Variants in HILPDA observed in about 807,000 individuals in gnomAD.
HILPDA encodes the protein hypoxia inducible lipid droplet associated, also known as hypoxia-inducible lipid droplet-associated protein.
For missense variants in HILPDA, 72 were observed against 73.5 expected, an observed-to-expected ratio of 0.98 and a Z score of 0.08; for synonymous variants, 37 against 33.2, an observed-to-expected ratio of 1.12 and a Z score of -0.40.
rs929317888 is a variant in HILPDA, at chr7:128,456,017, C to T, written c.-75C>T. The T allele has an allele frequency of 1.8e-5, 8 of 456,136 alleles. No individual in the cohort carries two copies. The highest frequency in any genetic ancestry group is 3.5e-5 in the Non-Finnish European group (8 of 226,824). 28.3% of individuals were successfully genotyped at this position (456,136 alleles called of 1,614,324 possible). On this transcript the variant is annotated 5_prime_UTR_variant, in exon 1 of 2. Coordinates refer to ENST00000257696, the MANE Select transcript of HILPDA (RefSeq NM_013332.4). ...CCGGCGATCCACTCCCGGCTGTTCC[C>T]CCGGAGGTGAGCGGCCCTGTGGGCT...
chr7:128,457,372 C>T lies in HILPDA; in HGVS notation c.104C>T (p.Ser35Leu), dbSNP rs752323256. The T allele has an allele frequency of 2.0e-5, 33 of 1,613,974 alleles. No homozygotes were observed. The East Asian group carries it at 2.7e-4, about 13-fold the overall frequency. ...CTAGAGGGCTTACTAGAGAGCCCAT[C>T]GCCTGGGACCTCCTGGACCACCAGA... ...ESLEGLLESP[S>L]PGTSWTTRSQ... The change falls in exon 2 of 2, where the codon TCG (serine) becomes TTG (leucine). Residue 35 changes from serine to leucine, a missense_variant. Ser to Leu is a moderately radical substitution (Grantham distance 145). Transcript: ENST00000257696.
At chr7:128,456,206 A>T in intron 1 of HILPDA, 183 bp downstream of exon 1, 1 of 323,332 alleles carries the variant, frequency 3.1e-6, no homozygotes, top group Non-Finnish European at 6.1e-6. Flanking sequence ...CCTAACTAGG[A>T]TCCACGTGGC....
intron 1 of HILPDA, 193 bp downstream of exon 1, chr7:128,456,216 C>T (rs768494071): frequency 2.8e-5 from 9 of 321,390 alleles, no homozygotes; most frequent in Non-Finnish European, 4.9e-5. Context: ...ATCCACGTGG[C>T]CCATCCCACG....
chr7:128,457,526 C>T lies in HILPDA; in HGVS notation c.*66C>T. The T allele has an allele frequency of 1.4e-6, 2 of 1,408,336 alleles. No homozygotes were observed. The highest frequency in any genetic ancestry group is 2.3e-5 in the South Asian group (2 of 85,390). The allele number at this position is 1,408,336 out of a possible 1,614,324, so 87.2% of individuals were successfully genotyped here. A position where few individuals can be genotyped will look rare whatever the true frequency, so the allele number is the denominator to read the frequency against. ...CCTAGACATGTCCAGATGGGAGTCC[C>T]ATTCCTAGCAGACAAGCTGAGCACC... is the stretch of plus-strand genomic sequence containing the variant. On this transcript the variant is annotated 3_prime_UTR_variant, in exon 2 of 2. Transcript: ENST00000257696.
At chr7:128,456,672 GTTTGTTTTTGAGACGGAGT>G (rs1563019310) in intron 1 of HILPDA, 1 of 155,134 alleles carries the variant, frequency 6.4e-6, no homozygotes, top group African/African-American at 2.4e-5. Context: ...ATGTTTGTTT[GTTTGTTTTTGAGACGGAGT>G]TTTGCTTTTG....
At chr7:128,457,017 G>C (rs2116814376) in intron 1 of HILPDA, among the ~76,000 whole-genome samples, 184 bp from the exon 2 acceptor site, 1 of 152,306 alleles carries the variant, frequency 6.6e-6, no homozygotes, top group South Asian at 2.1e-4. Flanking sequence ...AGCAACACTG[G>C]CTCCGCAGCC....
rs776283784 is a variant in HILPDA at position 128,457,329 on chromosome 7, G to C, written c.61G>C (p.Val21Leu). 1 of 1,613,764 alleles carries C rather than the reference G, an allele frequency of 6.2e-7. No individual in the cohort carries two copies. Among genetic ancestry groups the C allele is most frequent in the African/African-American group, 1.3e-5 (1 of 74,902 alleles). Residue 21 changes from valine to leucine, a missense_variant, in exon 2 of 2, where the codon GTT becomes CTT. Val to Leu is a conservative substitution (Grantham distance 32). Transcript: ENST00000257696. ...GVVLTLLSIF[V>L]RVMESLEGLL... ...GGTACTGACCCTACTCTCCATCTTC[G>C]TTAGAGTGATGGAGTCCCTAGAGGG...
Position 128,457,187 on chromosome 7 carries a change from C to T in HILPDA, c.-68-14C>T, listed in dbSNP as rs1444181363. ...CAAAAGGCTATAGATTCATCCTTTCCTCTTTTTTCTCAGGGTCCAGAGGCC... is the reference window on the plus strand; with the variant it reads ...CAAAAGGCTATAGATTCATCCTTTCTTCTTTTTTCTCAGGGTCCAGAGGCC... On this transcript the variant is annotated splice_polypyrimidine_tract_variant and intron_variant, in intron 1 of 1. Transcript: ENST00000257696. 2.5e-6 allele frequency: 3 copies of T among 1,189,798 alleles called. No homozygotes were observed. Among genetic ancestry groups the T allele is most frequent in the African/African-American group, 1.5e-5 (1 of 65,346 alleles). 73.7% of individuals were successfully genotyped at this position (1,189,798 alleles called of 1,614,324 possible).
rs1404725926 is a variant in HILPDA, at chr7:128,458,177, A to G, written c.*717A>G. ...TTATTTGGTGTTGAGCCTCTCTTCC[A>G]CAAGAGCTCCTCCATGTTTGGATAG... On this transcript the variant is annotated 3_prime_UTR_variant, in exon 2 of 2. Transcript: ENST00000257696. 6.1e-6 allele frequency: 1 copy of G among 164,616 alleles called. No homozygotes were observed. The highest frequency in any genetic ancestry group is 2.5e-5 in the African/African-American group (1 of 40,188). The allele number at this position is 164,616 out of a possible 1,614,324, so 10.2% of individuals were successfully genotyped here. A position where few individuals can be genotyped will look rare whatever the true frequency, so the allele number is the denominator to read the frequency against.
rs1032098464 is a variant in HILPDA at position 128,458,356 on chromosome 7, A to G, written c.*896A>G. ...GCCAAAGCCTGCTCAAGTTATGGAC[A>G]TTGTGGCCACCATGTGGCTTAAATG... On this transcript the variant is annotated 3_prime_UTR_variant, in exon 2 of 2. Transcript: ENST00000257696. 2 of 167,090 alleles carry G rather than the reference A, an allele frequency of 1.2e-5. No homozygotes were observed. The highest frequency in any genetic ancestry group is 4.8e-5 in the African/African-American group (2 of 41,448). 10.4% of individuals were successfully genotyped at this position (167,090 alleles called of 1,614,324 possible).
chr7:128,456,224 A>G (rs1319247723), intron 1 of HILPDA: 5 of 312,622 alleles, frequency 1.6e-5, no homozygotes, highest in Non-Finnish European at 3.2e-5. Flanking sequence ...GGCCCATCCC[A>G]CGCCCACAGG....
chr7:128,455,880 G>C lies in HILPDA; in HGVS notation c.-212G>C. ...CGGAGGCTGGGCGGCGTTGCTCTGC[G>C]CTCTGCGGCTGACGGCGCTTTTGTC... is the stretch of plus-strand genomic sequence containing the variant. On this transcript the variant is annotated 5_prime_UTR_variant, in exon 1 of 2. Transcript: ENST00000257696. 2 of 456,756 alleles carry C rather than the reference G, an allele frequency of 4.4e-6. No individual in the cohort carries two copies. The highest frequency in any genetic ancestry group is 8.8e-6 in the Non-Finnish European group (2 of 226,976). 28.3% of individuals were successfully genotyped at this position (456,756 alleles called of 1,614,324 possible).
chr7:128,457,449 A>G lies in HILPDA; in HGVS notation c.181A>G (p.Arg61Gly), dbSNP rs889701232. The G allele has an allele frequency of 1.2e-6, 2 of 1,614,178 alleles. No individual in the cohort carries two copies. The highest frequency in any genetic ancestry group is 2.2e-5 in the South Asian group (2 of 91,088). The change falls in exon 2 of 2, where the codon AGA becomes GGA. Residue 61 changes from arginine (R) to glycine (G), a missense_variant. Physicochemically the swap from Arg to Gly is moderately radical, Grantham distance 125 (BLOSUM62 -2). Transcript: ENST00000257696. Reference protein sequence around the residue: ...PTKGLPDHPSRSM With the variant: ...PTKGLPDHPSGSM ...CAAGGGCCTTCCAGACCATCCATCC[A>G]GAAGCATGTGATAAGACCTCCTTCC...
Position 128,457,485 on chromosome 7 carries a change from T to C in HILPDA, c.*25T>C, listed in dbSNP as rs1031001009. 6.2e-7 allele frequency: 1 copy of C among 1,605,762 alleles called. No homozygotes were observed. The highest frequency in any genetic ancestry group is 8.5e-7 in the Non-Finnish European group (1 of 1,172,860). On this transcript the variant is annotated 3_prime_UTR_variant, in exon 2 of 2. Transcript: ENST00000257696. ...ATAAGACCTCCTTCCATACTGGCCA[T>C]ATTTTGGAACACTGACCTAGACATG...
Position 128,455,907 on chromosome 7 carries a change from C to A in HILPDA, c.-185C>A. 2.2e-6 allele frequency: 1 copy of A among 456,742 alleles called. No individual in the cohort carries two copies. The highest frequency in any genetic ancestry group is 1.5e-5 in the South Asian group (1 of 64,572). 28.3% of individuals were successfully genotyped at this position (456,742 alleles called of 1,614,324 possible). A position where few individuals can be genotyped will look rare whatever the true frequency, so the allele number is the denominator to read the frequency against. ...TCTGCGGCTGACGGCGCTTTTGTCTCCGGTGAGTTTTGTGGCGGGAAGCTT... is the reference window on the plus strand; with the variant it reads ...TCTGCGGCTGACGGCGCTTTTGTCTACGGTGAGTTTTGTGGCGGGAAGCTT... On this transcript the variant is annotated 5_prime_UTR_variant, in exon 1 of 2. Transcript: ENST00000257696.
Position 128,457,801 on chromosome 7 carries a change from C to T in HILPDA, c.*341C>T, listed in dbSNP as rs1195503712. 1 of 237,706 alleles carries T rather than the reference C, an allele frequency of 4.2e-6. No individual in the cohort carries two copies. Among genetic ancestry groups the T allele is most frequent in the Non-Finnish European group, 8.8e-6 (1 of 113,084 alleles). The allele number at this position is 237,706 out of a possible 1,614,324, so 14.7% of individuals were successfully genotyped here. A position where few individuals can be genotyped will look rare whatever the true frequency, so the allele number is the denominator to read the frequency against. ...GTGGCAGAGGCCTGTAATCCCAGCT[C>T]CTTGGGAGGCTGAGGCGGGAGAATT... On this transcript the variant is annotated 3_prime_UTR_variant, in exon 2 of 2. Transcript: ENST00000257696.
Position 128,457,501 on chromosome 7 carries a change from C to A in HILPDA, c.*41C>A. On this transcript the variant is annotated 3_prime_UTR_variant, in exon 2 of 2. Transcript: ENST00000257696. Reference sequence around the variant, plus strand: ...TACTGGCCATATTTTGGAACACTGACCTAGACATGTCCAGATGGGAGTCCC... The same window carrying A: ...TACTGGCCATATTTTGGAACACTGAACTAGACATGTCCAGATGGGAGTCCC... The A allele has an allele frequency of 6.4e-7, 1 of 1,566,156 alleles. No individual in the cohort carries two copies. Among genetic ancestry groups the A allele is most frequent in the Non-Finnish European group, 8.8e-7 (1 of 1,137,628 alleles).
rs758468098 is a variant in HILPDA, at chr7:128,457,255, G to C, written c.-14G>C. The C allele has an allele frequency of 3.7e-6, 6 of 1,603,166 alleles. No individual in the cohort carries two copies. The highest frequency in any genetic ancestry group is 2.2e-5 in the South Asian group (2 of 90,756). On this transcript the variant is annotated 5_prime_UTR_variant, in exon 2 of 2. Coordinates refer to ENST00000257696, the MANE Select transcript of HILPDA (RefSeq NM_013332.4). Reference sequence around the variant, plus strand: ...AGCTCTGTTTCTCTGCAGAGGAGTAGGGTCCTTTCAGCCATGAAGCATGTG... The same window carrying C: ...AGCTCTGTTTCTCTGCAGAGGAGTACGGTCCTTTCAGCCATGAAGCATGTG...
intron 1 of HILPDA, chr7:128,456,371 A>G (rs1435183120): frequency 5.5e-6 from 1 of 182,724 alleles, no homozygotes; most frequent in Non-Finnish European, 1.2e-5. Context: ...CTTCCAGGGT[A>G]CCTAACACAT....
Sources: gnomAD v4.1 joint callset for allele counts (sites outside exome capture counted in the v4.1 genomes callset) on GRCh38, gnomAD v4.1.1 for gene constraint, MANE v1.5 for transcripts, NCBI Gene and HGNC (gene_info 2026-07-23, HGNC 2026-07-21) for gene names.